Variants in KDM2B observed in about 807,000 individuals in gnomAD.
KDM2B encodes the protein lysine-specific demethylase 2B.
Under a neutral mutation model 150.0 loss-of-function variants are expected in KDM2B, and 26 were observed. The observed-to-expected ratio is 0.17, with a 90% CI of 0.13 to 0.24. KDM2B has a LOEUF of 0.24. Among genes scored for constraint, KDM2B ranks in the 10% least tolerant of loss-of-function variants. The pLI is 1.00. For missense variants in KDM2B, 1,265 were observed against 1,816.9 expected (o/e 0.70, Z 5.52); for synonymous variants, 734 against 729.5 (o/e 1.01, Z -0.10).
At chr12:121,432,687 C>A (rs185986428) in intron 22 of KDM2B, among the ~76,000 whole-genome samples, 3 of 152,200 alleles carry the variant, frequency 2.0e-5, no homozygotes, top group Non-Finnish European at 4.4e-5. Context: ...AAGAAATCAC[C>A]CTCAGAATCT....
chr12:121,507,123 C>G (rs1555303087), intron 11 of KDM2B, among the ~76,000 whole-genome samples: 1 of 144,756 alleles, frequency 6.9e-6, no homozygotes, highest in African/African-American at 2.6e-5. Context: ...AAAAAGACAG[C>G]TAAGTTCAAT....
chr12:121,526,993 T>A (rs28827515), intron 8 of KDM2B, among the ~76,000 whole-genome samples: 1 of 152,080 alleles, frequency 6.6e-6, no homozygotes, highest in South Asian at 2.1e-4. Context: ...GATCATGCCA[T>A]TGCACTCCAG....
intron 4 of KDM2B, among the ~76,000 whole-genome samples, chr12:121,554,341 A>G (rs1889741890): frequency 6.6e-6 from 1 of 152,146 alleles, no homozygotes; most frequent in Non-Finnish European, 1.5e-5. Context: ...ATGGCAAGTA[A>G]TCTGGGAGTG....
intron 4 of KDM2B, among the ~76,000 whole-genome samples, chr12:121,558,536 C>G (rs1384161637): frequency 2.6e-5 from 4 of 151,756 alleles, no homozygotes; most frequent in Admixed American, 6.6e-5. Flanking sequence ...TCACTGCAGC[C>G]TCCGCCTCTT....
chr12:121,477,955 C>T (rs1555297093), intron 12 of KDM2B, among the ~76,000 whole-genome samples: 1 of 151,312 alleles, frequency 6.6e-6, no homozygotes, highest in East Asian at 2.0e-4. Flanking sequence ...GTTGCCCAGG[C>T]TGGTCTTGAA....
At chr12:121,558,357 T>G (rs1374826976) in intron 4 of KDM2B, among the ~76,000 whole-genome samples, 1 of 152,070 alleles carries the variant, frequency 6.6e-6, no homozygotes, top group African/African-American at 2.4e-5. Flanking sequence ...AAGCCCCACC[T>G]GGAATCACCT....
At chr12:121,507,637 A>G (rs1885208961) in intron 11 of KDM2B, among the ~76,000 whole-genome samples, 1 of 152,194 alleles carries the variant, frequency 6.6e-6, no homozygotes, top group South Asian at 2.1e-4. Flanking sequence ...GCCAAGTTTC[A>G]TCCCTAGGAG....
rs782068665 is a variant in KDM2B, at chr12:121,445,400, C to T, written c.1978G>A (p.Ala660Thr). ...QCIAPVLPHT[A>T]VCLVCGEAGK... ...GCCTCGCCACACACAAGGCACACGG[C>T]GGTGTGGGGCAGCACTGGCTGAGGA... The change falls in exon 14 of 23, where the codon GCC becomes ACC. Residue 660 changes from alanine to threonine, a missense_variant. By Grantham distance (58) the Ala-to-Thr change is moderately conservative. This residue lies in a region of KDM2B where 18 missense variants were observed against 67.8 expected (regional missense o/e 0.27). Transcript: ENST00000377071. 1.2e-6 allele frequency: 2 copies of T among 1,603,616 alleles called. No individual in the cohort carries two copies. Among genetic ancestry groups the T allele is most frequent in the South Asian group, 1.1e-5 (1 of 89,632 alleles).
chr12:121,488,448 C>T (rs1349455137), intron 12 of KDM2B, among the ~76,000 whole-genome samples: 3 of 152,130 alleles, frequency 2.0e-5, no homozygotes, highest in African/African-American at 7.2e-5. Context: ...GCAAGAAAGG[C>T]GCTGTTAGCA....
intron 12 of KDM2B, among the ~76,000 whole-genome samples, chr12:121,492,998 C>A (rs918097403): frequency 6.7e-6 from 1 of 149,338 alleles, no homozygotes; most frequent in Admixed American, 6.7e-5. Flanking sequence ...TGGGCTCAAG[C>A]GATCCTCCTG....
chr12:121,446,669 A>G (rs76018552), intron 13 of KDM2B, among the ~76,000 whole-genome samples: 1 of 152,212 alleles, frequency 6.6e-6, no homozygotes, highest in African/African-American at 2.4e-5. Context: ...TTTTGTGAAG[A>G]TCAAAGAAGT....
rs373537848 is a variant in KDM2B at position 121,442,979 on chromosome 12, G to A, written c.2604+13C>T. On this transcript the variant is annotated intron_variant, in intron 18 of 22. Coordinates refer to ENST00000377071, the MANE Select transcript of KDM2B (RefSeq NM_032590.5). This position sits in a 1 kb window ranked among gnomAD's most constrained non-coding sequence, Gnocchi z 7.7. Reference sequence around the variant, plus strand: ...CTCAGGCCTGGGGCACAGGAGGGAGGGGAAGATGGTACCTTTTTCCTGAAA... The same window carrying A: ...CTCAGGCCTGGGGCACAGGAGGGAGAGGAAGATGGTACCTTTTTCCTGAAA... 5.6e-5 allele frequency: 91 copies of A among 1,613,002 alleles called. No individual in the cohort carries two copies. The African/African-American group carries it at 1.2e-3, about 21-fold the overall frequency.
At chr12:121,495,546 C>A (rs563395464) in intron 11 of KDM2B, among the ~76,000 whole-genome samples, 1 of 152,184 alleles carries the variant, frequency 6.6e-6, no homozygotes, top group African/African-American at 2.4e-5. Flanking sequence ...GGAATCCTCC[C>A]TCCTTAGCCT....
chr12:121,412,849 C>T, the KDM2B span, among the ~76,000 whole-genome samples: 2 of 151,336 alleles, frequency 1.3e-5, no homozygotes, highest in African/African-American at 4.9e-5. Context: ...CTTAGCCTCC[C>T]AAGTAGCTGG....
chr12:121,443,807 G>GA lies in KDM2B; in HGVS notation c.2452-15dup. On this transcript the variant is annotated splice_polypyrimidine_tract_variant and intron_variant, in intron 16 of 22. Transcript: ENST00000377071. ...AAGCGATGAGGCCTAAAGGGGGGTG[G>GA]AGTGGGAAGAGGAGTGACTCGCTGG... is the stretch of plus-strand genomic sequence containing the variant. The GA allele has an allele frequency of 2.6e-6, 4 of 1,509,652 alleles. No homozygotes were observed. The highest frequency in any genetic ancestry group is 3.6e-6 in the Non-Finnish European group (4 of 1,103,076). The allele number at this position is 1,509,652 out of a possible 1,614,324, so 93.5% of individuals were successfully genotyped here. A position where few individuals can be genotyped will look rare whatever the true frequency, so the allele number is the denominator to read the frequency against.
intron 11 of KDM2B, among the ~76,000 whole-genome samples, chr12:121,498,044 C>T (rs1195588010): frequency 2.6e-5 from 4 of 151,862 alleles, no homozygotes; most frequent in Non-Finnish European, 2.9e-5. Context: ...TGTAGCGGGC[C>T]GAGACCATGC....
the KDM2B span, chr12:121,420,099 G>T: frequency 1.5e-6 from 1 of 669,996 alleles, no homozygotes; most frequent in Non-Finnish European, 2.5e-6. Flanking sequence ...CCAACTTTTT[G>T]GAAGGGTCAG....
intron 8 of KDM2B, among the ~76,000 whole-genome samples, chr12:121,522,060 G>T (rs1449583288): frequency 2.0e-5 from 3 of 151,556 alleles, no homozygotes; most frequent in African/African-American, 4.9e-5. Flanking sequence ...AGTGAACTGT[G>T]ATCACACCCC....
chr12:121,537,853 A>G lies in KDM2B; in HGVS notation c.684-3263T>C, dbSNP rs1555309008. Reference sequence around the variant, plus strand: ...AGCCCGCGGGCGGGAGGCCACCCACACCCGCCCCGCGCAGCGCCACAAAGG... The same window carrying G: ...AGCCCGCGGGCGGGAGGCCACCCACGCCCGCCCCGCGCAGCGCCACAAAGG... On this transcript the variant is annotated intron_variant, in intron 6 of 22. Transcript: ENST00000377071. The surrounding 1 kb of genome is among the most constrained non-coding windows in gnomAD (Gnocchi z 8.7). 6.6e-6 allele frequency among the ~76,000 whole-genome samples: 1 copy of G among 150,404 alleles called. No individual in the cohort carries two copies. Among genetic ancestry groups the G allele is most frequent in the African/African-American group, 2.4e-5 (1 of 40,982 alleles).
Sources: allele counts gnomAD v4.1 joint callset (sites outside exome capture counted in the v4.1 genomes callset), GRCh38; gene constraint gnomAD v4.1.1; regional missense constraint gnomAD v4.1.1; non-coding constraint Gnocchi (gnomAD v3.1); transcripts MANE v1.5; gene names NCBI Gene and HGNC (gene_info 2026-07-23, HGNC 2026-07-21).